Variants in NDUFAB1 observed in about 807,000 individuals in gnomAD.
The protein encoded by NDUFAB1 is NADH:ubiquinone oxidoreductase subunit AB1.
A neutral mutation model predicts 16.1 loss-of-function variants in NDUFAB1; 5 were observed. That is an observed-to-expected ratio of 0.31 (90% CI 0.16 to 0.65). NDUFAB1 has a LOEUF of 0.65. Among genes scored for constraint, NDUFAB1 ranks in the 30% least tolerant of loss-of-function variants. The pLI, the probability that NDUFAB1 is intolerant of heterozygous loss-of-function variation, is 0.77. For missense variants in NDUFAB1, 187 were observed against 205.3 expected (o/e 0.91, Z 0.54); for synonymous variants, 85 against 78.4 (o/e 1.08, Z -0.44).
chr16:23,587,390 A>C lies in NDUFAB1; in HGVS notation c.169-71T>G. The C allele has an allele frequency of 1.9e-6, 3 of 1,568,144 alleles. No homozygotes were observed. In the Admixed American group the frequency reaches 5.8e-5, roughly 30 times the overall value. ...CCTCTAAATCAATGCACAAGCCTAT[A>C]GGTAACTTTCACAGAACTTTCGGGG... On this transcript the variant is annotated intron_variant, in intron 1 of 4. Coordinates refer to ENST00000007516, the MANE Select transcript of NDUFAB1 (RefSeq NM_005003.3).
chr16:23,582,341 T>C lies in NDUFAB1; in HGVS notation c.414A>G (p.Leu138=). ...FEIPDIDAEK[L]MCPQEIVDYI... ...AATCTACAATTTCTTGTGGACACATTAACTTTTCAGCATCTATATCAGGAA... is the reference window on the plus strand; with the variant it reads ...AATCTACAATTTCTTGTGGACACATCAACTTTTCAGCATCTATATCAGGAA... Residue 138 remains leucine (L), a synonymous_variant, in exon 4 of 5, where the codon TTA becomes TTG. Coordinates refer to ENST00000007516, the MANE Select transcript of NDUFAB1 (RefSeq NM_005003.3). 1 of 1,582,196 alleles carries C rather than the reference T, an allele frequency of 6.3e-7. No individual in the cohort carries two copies. Among genetic ancestry groups the C allele is most frequent in the Admixed American group, 1.8e-5 (1 of 54,502 alleles).
intron 3 of NDUFAB1, among the ~76,000 whole-genome samples, chr16:23,583,964 C>G (rs932386320): frequency 6.6e-6 from 1 of 151,852 alleles, no homozygotes; most frequent in Admixed American, 6.6e-5. Flanking sequence ...TTACCCCCAA[C>G]CCGGTGCTCT....
intron 3 of NDUFAB1, 25 bp downstream of exon 3, chr16:23,585,311 G>A (rs2142233270): frequency 1.3e-6 from 2 of 1,531,586 alleles, no homozygotes; most frequent in Non-Finnish European, 9.1e-7. Flanking sequence ...AAATCGCAGT[G>A]TGTAGATAGA....
At chr16:23,584,111 C>T (rs1387920885) in intron 3 of NDUFAB1, among the ~76,000 whole-genome samples, 1 of 151,426 alleles carries the variant, frequency 6.6e-6, no homozygotes, top group African/African-American at 2.4e-5. Flanking sequence ...CCCAGGGACA[C>T]AAACACTGCG....
intron 2 of NDUFAB1, among the ~76,000 whole-genome samples, 199 bp downstream of exon 2, chr16:23,586,998 G>A (rs1484149108): frequency 2.6e-5 from 4 of 152,132 alleles, no homozygotes; most frequent in Middle Eastern, 3.2e-3. Flanking sequence ...ATATACACAC[G>A]TGTGTATACT....
rs11541098 is a variant in NDUFAB1, at chr16:23,596,204, G to A, written c.87C>T (p.Ala29=). The change falls in exon 1 of 5, where the codon GCC becomes GCT. Residue 29 remains alanine (A), a synonymous_variant. Coordinates refer to ENST00000007516, the MANE Select transcript of NDUFAB1 (RefSeq NM_005003.3). ...PLPRVRMLAV[A]RPLSTALCSA... is the part of the protein sequence containing the mutation. The stretch of plus-strand genomic sequence containing the variant: ...AGCAGAGAGCGGTGCTGAGAGGCCG[G>A]GCCACGGCCAGCATCCGGACCCGGG... 2 of 1,610,172 alleles carry A rather than the reference G, an allele frequency of 1.2e-6. No homozygotes were observed. Among genetic ancestry groups the A allele is most frequent in the South Asian group, 2.2e-5 (2 of 90,660 alleles).
intron 1 of NDUFAB1, chr16:23,595,325 G>T: frequency 6.6e-6 from 2 of 301,258 alleles, no homozygotes; most frequent in South Asian, 5.3e-5. Flanking sequence ...GCCTCACGCA[G>T]ATTTCATCAG....
intron 1 of NDUFAB1, among the ~76,000 whole-genome samples, chr16:23,593,293 C>T (rs901963272): frequency 5.9e-5 from 9 of 152,178 alleles, no homozygotes; most frequent in African/African-American, 2.2e-4. Context: ...AGTGTCCCAA[C>T]AAGGTAGGAG....
intron 3 of NDUFAB1, among the ~76,000 whole-genome samples, chr16:23,583,690 T>C (rs1164585504): frequency 1.0e-3 from 122 of 116,360 alleles, no homozygotes; most frequent in South Asian, 1.6e-3. Context: ...GGAGCCCCTC[T>C]GCCCGGCAGC....
At chr16:23,593,973 C>T (rs1354583518) in intron 1 of NDUFAB1, among the ~76,000 whole-genome samples, 3 of 151,506 alleles carry the variant, frequency 2.0e-5, no homozygotes, top group African/African-American at 4.9e-5. Flanking sequence ...CTCTGCCTCC[C>T]GGGTTCATGC....
At chr16:23,590,034 A>G (rs1966266087) in intron 1 of NDUFAB1, among the ~76,000 whole-genome samples, 1 of 151,972 alleles carries the variant, frequency 6.6e-6, no homozygotes, top group Non-Finnish European at 1.5e-5. Flanking sequence ...CCAAAGTGGA[A>G]GGATCGCTTG....
Position 23,587,208 on chromosome 16 carries a change from C to A in NDUFAB1, c.280G>T (p.Asp94Tyr). The change falls in exon 2 of 5, where the codon GAC (aspartate) becomes TAC (tyrosine). Residue 94 changes from aspartate to tyrosine, a missense_variant. Coordinates refer to ENST00000007516, the MANE Select transcript of NDUFAB1 (RefSeq NM_005003.3). Reference protein sequence around the residue: ...LYVLKLYDKIDPEKLSVNSHF... With the variant: ...LYVLKLYDKIYPEKLSVNSHF... ...CCACCATCAGTTACCTTCTCTGGGTCAATCTTGTCATAGAGTTTCAATACG... is the reference window on the plus strand; with the variant it reads ...CCACCATCAGTTACCTTCTCTGGGTAAATCTTGTCATAGAGTTTCAATACG... The A allele has an allele frequency of 6.2e-7, 1 of 1,613,228 alleles. No homozygotes were observed.
At chr16:23,589,484 C>T (rs75086502) in intron 1 of NDUFAB1, among the ~76,000 whole-genome samples, 1,985 of 152,034 alleles carry the variant, frequency 0.013, 19 homozygotes, top group South Asian at 0.02. Context: ...GGCACATGAC[C>T]GGCCTACTTA....
intron 2 of NDUFAB1, 55 bp downstream of exon 2, chr16:23,587,142 C>A: frequency 2.0e-6 from 3 of 1,524,178 alleles, no homozygotes; most frequent in Non-Finnish European, 1.8e-6. Flanking sequence ...CATTTTCTAG[C>A]ATGTAATTAA....
intron 4 of NDUFAB1, chr16:23,581,774 A>T (rs1966181799): frequency 6.6e-6 from 1 of 152,290 alleles, no homozygotes; most frequent in South Asian, 2.1e-4. Flanking sequence ...ACCATATTAC[A>T]TATGAGGAAA....
chr16:23,593,844 T>A (rs1013771065), intron 1 of NDUFAB1, among the ~76,000 whole-genome samples: 5 of 150,482 alleles, frequency 3.3e-5, no homozygotes, highest in African/African-American at 1.2e-4. Context: ...ACTGCCTTTT[T>A]AACCCTTATT....
chr16:23,582,140 C>G, intron 4 of NDUFAB1, 136 bp downstream of exon 4: 1 of 1,124,158 alleles, frequency 8.9e-7, no homozygotes, highest in Non-Finnish European at 1.2e-6. Flanking sequence ...TGGCAGACAA[C>G]AGGAAAGGGC....
At chr16:23,586,733 C>G (rs1966236550) in intron 2 of NDUFAB1, among the ~76,000 whole-genome samples, 1 of 152,078 alleles carries the variant, frequency 6.6e-6, no homozygotes, top group South Asian at 2.1e-4. Context: ...ACTGCAACCT[C>G]CACCTCCCGG....
rs1966211643 is a variant in NDUFAB1, at chr16:23,584,250, TCAATTA to T, written c.379+1080_379+1085del. On this transcript the variant is annotated intron_variant, in intron 3 of 4. Coordinates refer to ENST00000007516, the MANE Select transcript of NDUFAB1 (RefSeq NM_005003.3). ...CTCTGCGAGAAACACCCAAGAATGATCAATTAAAAAAAAAAAAAAAAAAAGAAACCC... is the reference window on the plus strand; with the variant it reads ...CTCTGCGAGAAACACCCAAGAATGATAAAAAAAAAAAAAAAAAAGAAACCC... Among the ~76,000 whole-genome samples, 7 of 6,474 alleles carry T rather than the reference TCAATTA, an allele frequency of 1.1e-3. No homozygotes were observed. The South Asian group carries it at 0.028, about 26-fold the overall frequency. 4.2% of individuals were successfully genotyped at this position (6,474 alleles called of 152,430 possible). A position where few individuals can be genotyped will look rare whatever the true frequency, so the allele number is the denominator to read the frequency against.
Sources: allele counts gnomAD v4.1 joint callset (sites outside exome capture counted in the v4.1 genomes callset), GRCh38; gene constraint gnomAD v4.1.1; transcripts MANE v1.5; gene names NCBI Gene and HGNC (gene_info 2026-07-23, HGNC 2026-07-21).